Variants in PRPSAP2 observed in about 807,000 individuals in gnomAD.
PRPSAP2 encodes phosphoribosyl pyrophosphate synthase-associated protein 2.
Under a neutral mutation model 40.6 loss-of-function variants are expected in PRPSAP2, and 24 were observed. That is an observed-to-expected ratio of 0.59 (90% CI 0.43 to 0.83). The LOEUF (loss-of-function observed/expected upper bound fraction) is 0.83. Among genes scored for constraint, PRPSAP2 ranks in the 40% least tolerant of loss-of-function variants. The probability of loss-of-function intolerance (pLI) is 0.00; values close to 1 mark genes in which losing one functional copy is unlikely to be tolerated. For missense variants in PRPSAP2, 292 were observed against 465.6 expected, an observed-to-expected ratio of 0.63 and a Z score of 3.43; for synonymous variants, 149 against 164.7, an observed-to-expected ratio of 0.90 and a Z score of 0.73.
chr17:18,867,175 A>C (rs1472618283), intron 3 of PRPSAP2, 107 bp from the exon 4 acceptor site: 2 of 1,132,998 alleles, frequency 1.8e-6, no homozygotes, highest in African/African-American at 3.2e-5. Context: ...TAAGAAGAAT[A>C]ACTTTATTTT....
rs375979531 is a variant in PRPSAP2, at chr17:18,900,455, A to G, written c.584+10578A>G. On this transcript the variant is annotated intron_variant, in intron 8 of 11. Coordinates refer to ENST00000268835, the MANE Select transcript of PRPSAP2 (RefSeq NM_002767.4). ...ATGGCTGCTCTAAAATCTTTGTTAT[A>G]CAGTTTCAGCATGTCTGTCATCTTG... Among the ~76,000 whole-genome samples the G allele has an allele frequency of 3.9e-4, 59 of 152,132 alleles. 1 individual carries two copies. Among genetic ancestry groups the G allele is most frequent in the African/African-American group, 1.3e-3 (55 of 41,500 alleles).
chr17:18,895,100 T>A lies in PRPSAP2; in HGVS notation c.584+5223T>A, dbSNP rs1415631301. Among the ~76,000 whole-genome samples, 39 of 127,756 alleles carry A rather than the reference T, an allele frequency of 3.1e-4. 1 individual carries two copies. The highest frequency in any genetic ancestry group is 6.4e-4 in the East Asian group (3 of 4,702). 83.8% of individuals were successfully genotyped at this position (127,756 alleles called of 152,430 possible). A position where few individuals can be genotyped will look rare whatever the true frequency, so the allele number is the denominator to read the frequency against. ...TGTGTACTTTTTTTTTTTTTTTTTT[T>A]AAAGAGAAAGTCTTGCTCTGTTTAC... On this transcript the variant is annotated intron_variant, in intron 8 of 11. Coordinates refer to ENST00000268835, the MANE Select transcript of PRPSAP2 (RefSeq NM_002767.4).
intron 10 of PRPSAP2, among the ~76,000 whole-genome samples, chr17:18,926,584 A>T (rs1027711606): frequency 6.6e-6 from 1 of 152,144 alleles, no homozygotes; most frequent in Non-Finnish European, 1.5e-5. Flanking sequence ...CATTTTTTAA[A>T]AAAACGTTTT....
intron 8 of PRPSAP2, among the ~76,000 whole-genome samples, chr17:18,903,499 T>G (rs1257149354): frequency 2.0e-5 from 3 of 152,080 alleles, no homozygotes; most frequent in African/African-American, 7.2e-5. Flanking sequence ...TTTGGGAGGC[T>G]GAGGTTGGAA....
intron 8 of PRPSAP2, 88 bp downstream of exon 8, chr17:18,889,965 G>A: frequency 8.5e-7 from 1 of 1,171,660 alleles, no homozygotes; most frequent in South Asian, 1.7e-5. Flanking sequence ...TTGAACTTCA[G>A]TGGTTCCCAG....
At chr17:18,857,858 T>C (rs539167935), upstream of PRPSAP2, 1 of 152,274 alleles carries the variant, frequency 6.6e-6, no homozygotes, top group African/African-American at 2.4e-5. Flanking sequence ...ACCCAGGTAT[T>C]TGTAATTCCA....
intron 9 of PRPSAP2, among the ~76,000 whole-genome samples, chr17:18,923,038 G>A (rs1208755638): frequency 6.6e-6 from 1 of 150,950 alleles, no homozygotes; most frequent in Non-Finnish European, 1.5e-5. Flanking sequence ...AATATTTTCT[G>A]CCATTCTGTA....
chr17:18,865,263 T>G (rs1406452592), intron 1 of PRPSAP2, among the ~76,000 whole-genome samples: 2 of 152,124 alleles, frequency 1.3e-5, no homozygotes, highest in African/African-American at 2.4e-5. Flanking sequence ...GATTATCTAG[T>G]CAGCCCGTGT....
intron 1 of PRPSAP2, among the ~76,000 whole-genome samples, chr17:18,860,159 A>G (rs1471534219): frequency 6.6e-6 from 1 of 152,138 alleles, no homozygotes; most frequent in Non-Finnish European, 1.5e-5. Context: ...TCCCAAGTTC[A>G]AGCGATTCTC....
chr17:18,908,663 C>T, intron 8 of PRPSAP2: 2 of 722,056 alleles, frequency 2.8e-6, no homozygotes, highest in Admixed American at 4.0e-5. Flanking sequence ...AACGAGTGCC[C>T]CAAGCCAGAG....
intron 6 of PRPSAP2, among the ~76,000 whole-genome samples, chr17:18,881,235 A>G (rs1567691530): frequency 1.3e-5 from 2 of 150,934 alleles, no homozygotes; most frequent in African/African-American, 2.4e-5. Flanking sequence ...TGGTAGAACA[A>G]TTTTGTCTTT....
chr17:18,898,147 C>T (rs760147705), intron 8 of PRPSAP2, among the ~76,000 whole-genome samples: 4 of 150,502 alleles, frequency 2.7e-5, no homozygotes, highest in South Asian at 2.1e-4. Flanking sequence ...TATAGGCGAG[C>T]GCCACCACGC....
chr17:18,899,163 C>CA (rs1418740295), intron 8 of PRPSAP2, among the ~76,000 whole-genome samples: 1 of 152,194 alleles, frequency 6.6e-6, no homozygotes, highest in African/African-American at 2.4e-5. Flanking sequence ...CTTGGCCTCC[C>CA]AAAGTGCTGG....
At chr17:18,860,708 T>C (rs2036943985) in intron 1 of PRPSAP2, 1 of 152,232 alleles carries the variant, frequency 6.6e-6, no homozygotes. Flanking sequence ...ACACAGTAGA[T>C]GCTTTAGAGG....
intron 7 of PRPSAP2, among the ~76,000 whole-genome samples, chr17:18,888,763 C>G: frequency 2.7e-5 from 1 of 37,588 alleles, no homozygotes; most frequent in South Asian, 4.9e-4. Flanking sequence ...CTGACCCCCC[C>G]ACCTCCCTCG....
At chr17:18,880,671 A>C (rs986894012) in intron 6 of PRPSAP2, among the ~76,000 whole-genome samples, 4 of 151,350 alleles carry the variant, frequency 2.6e-5, no homozygotes, top group Admixed American at 2.6e-4. Context: ...GGCCTCCCAA[A>C]GTGCTGGGTT....
chr17:18,914,449 G>A lies in PRPSAP2; in HGVS notation c.733+3198G>A, dbSNP rs143180681. ...TTTTTTTTTTTTTTTTGGTAGAGAC[G>A]GGGTCTTGCTTTGTTGCCTAGGTTG... On this transcript the variant is annotated intron_variant, in intron 9 of 11. Coordinates refer to ENST00000268835, the MANE Select transcript of PRPSAP2 (RefSeq NM_002767.4). 3.5e-4 allele frequency among the ~76,000 whole-genome samples: 52 copies of A among 147,918 alleles called. No homozygotes were observed. In the East Asian group the frequency reaches 5.3e-3, roughly 15 times the overall value.
chr17:18,912,220 G>A (rs571444589), intron 9 of PRPSAP2, among the ~76,000 whole-genome samples: 1 of 152,148 alleles, frequency 6.6e-6, no homozygotes, highest in East Asian at 1.9e-4. Context: ...CAGATTTGGT[G>A]TCTGTCGAGG....
At chr17:18,919,938 G>A (rs1044211379) in intron 9 of PRPSAP2, among the ~76,000 whole-genome samples, 1 of 152,148 alleles carries the variant, frequency 6.6e-6, no homozygotes, top group East Asian at 1.9e-4. Context: ...GGCTGGGAGG[G>A]TGTTAATAAA....
Sources: allele counts gnomAD v4.1 joint callset (sites outside exome capture counted in the v4.1 genomes callset), GRCh38; gene constraint gnomAD v4.1.1; transcripts MANE v1.5; gene names NCBI Gene and HGNC (gene_info 2026-07-23, HGNC 2026-07-21).